The following GRIN1 variants were observed in gnomAD, a reference collection of about 807,000 sequenced individuals.
GRIN1 encodes glutamate ionotropic receptor NMDA type subunit 1.
GRIN1 carries 38 observed loss-of-function variants against 103.0 expected under a neutral mutation model. That is an observed-to-expected ratio of 0.37 (90% confidence interval 0.28 to 0.48). The LOEUF is 0.48. GRIN1 is among the 20% of genes least tolerant of loss of function. The pLI, the probability that GRIN1 is intolerant of heterozygous loss-of-function variation, is 0.98. For synonymous variants in GRIN1, 544 were observed against 532.7 expected, an observed-to-expected ratio of 1.02 and a Z score of -0.29; for missense variants, 577 against 1,288.9, an observed-to-expected ratio of 0.45 and a Z score of 8.46.
intron 19 of GRIN1, among the ~76,000 whole-genome samples, chr9:137,165,942 G>A (rs1833855061): frequency 6.6e-6 from 1 of 152,214 alleles, no homozygotes; most frequent in African/African-American, 2.4e-5. Flanking sequence ...CTGGGGCCTG[G>A]AGTTGGAACT....
chr9:137,146,446 C>T lies in GRIN1; in HGVS notation c.570+544C>T, dbSNP rs548865045. Among the ~76,000 whole-genome samples, 2 of 152,258 alleles carry T rather than the reference C, an allele frequency of 1.3e-5. No individual in the cohort carries two copies. Among genetic ancestry groups the T allele is most frequent in the East Asian group, 3.9e-4 (2 of 5,180 alleles). The stretch of plus-strand genomic sequence containing the variant: ...CAGACACCTGCCCCCCAGCCTGGAC[C>T]GCCCCTGTGGGCTCCACTCCCCTCC... On this transcript the variant is annotated intron_variant, in intron 3 of 19. Transcript: ENST00000371561. The surrounding 1 kb of genome is among the most constrained non-coding windows in gnomAD (Gnocchi z 6.7).
chr9:137,148,413 A>T (rs1832667423), intron 3 of GRIN1, among the ~76,000 whole-genome samples: 1 of 152,084 alleles, frequency 6.6e-6, no homozygotes, highest in African/African-American at 2.4e-5. Flanking sequence ...ACCCGCCGTG[A>T]CCCTAGCCTG....
At chr9:137,158,072 A>T (rs1325698607) in intron 6 of GRIN1, among the ~76,000 whole-genome samples, 1 of 152,240 alleles carries the variant, frequency 6.6e-6, no homozygotes, top group Non-Finnish European at 1.5e-5. Context: ...GTAAGGCAGG[A>T]TGGTTCTGAG....
intron 15 of GRIN1, 53 bp from the exon 16 acceptor site, chr9:137,163,116 G>T: frequency 1.2e-6 from 2 of 1,602,574 alleles, no homozygotes; most frequent in Non-Finnish European, 1.7e-6. Context: ...CGCGGGCGTG[G>T]GGCTTCCAGG....
intron 4 of GRIN1, among the ~76,000 whole-genome samples, chr9:137,150,656 GGAAA>G (rs1832804278): frequency 8.0e-6 from 1 of 125,712 alleles, no homozygotes. Context: ...ACCAGCCCAA[GGAAA>G]GCTCCGCCCA....
chr9:137,156,761 C>A lies in GRIN1; in HGVS notation c.764C>A (p.Ser255Ter). Reference protein sequence around the residue: ...YVWLVGEREISGNALRYAPDG... With the variant: ...YVWLVGEREI ...TGGCTGGTCGGCGAGCGCGAGATCT[C>A]GGGGAACGCCCTGCGCTACGCCCCA... The change falls in exon 5 of 20, where the codon TCG becomes TAG. Residue 255 changes from serine to a stop codon, truncating the protein, a stop_gained. Coordinates refer to ENST00000371561, the MANE Select transcript of GRIN1 (RefSeq NM_007327.4). LOFTEE classifies it high-confidence loss of function. 1.9e-6 allele frequency: 3 copies of A among 1,588,634 alleles called. No homozygotes were observed. The highest frequency in any genetic ancestry group is 2.6e-6 in the Non-Finnish European group (3 of 1,169,098).
chr9:137,163,984 C>A, intron 18 of GRIN1, 80 bp downstream of exon 18: 1 of 1,518,844 alleles, frequency 6.6e-7, no homozygotes, highest in Non-Finnish European at 9.1e-7. Context: ...AAGGCCGTGG[C>A]ACTGGCTCTG....
rs1246608190 is a variant in GRIN1 at position 137,142,103 on chromosome 9, C to G, written c.349C>G (p.Pro117Ala). The change falls in exon 2 of 20, where the codon CCC (proline) becomes GCC (alanine). Residue 117 changes from proline (P) to alanine (A), a missense_variant. Pro to Ala is a conservative substitution (Grantham distance 27). This residue lies in a region of GRIN1 where 308 missense variants were observed against 553.6 expected (regional missense o/e 0.56). Transcript: ENST00000371561. The part of the protein sequence containing the change: ...VSYTAGFYRI[P>A]VLGLTTRMSI... Reference sequence around the variant, plus strand: ...CTACACAGCCGGCTTCTACCGCATACCCGTGCTGGGGCTGACCACCCGCAT... The same window carrying G: ...CTACACAGCCGGCTTCTACCGCATAGCCGTGCTGGGGCTGACCACCCGCAT... 1 of 1,614,230 alleles carries G rather than the reference C, an allele frequency of 6.2e-7. No homozygotes were observed. Among genetic ancestry groups the G allele is most frequent in the South Asian group, 1.1e-5 (1 of 91,084 alleles).
chr9:137,159,130 C>T (rs759527534), intron 8 of GRIN1, among the ~76,000 whole-genome samples: 2 of 152,306 alleles, frequency 1.3e-5, no homozygotes, highest in Non-Finnish European at 2.9e-5. Context: ...CCTCTTCCAC[C>T]GTGTGGGACA....
At chr9:137,167,369 C>CGT (rs1564368361) in intron 19 of GRIN1, 42 bp from the exon 20 acceptor site, 1 of 1,481,898 alleles carries the variant, frequency 6.7e-7, no homozygotes, top group Admixed American at 1.9e-5. Flanking sequence ...CCCTGGCGGC[C>CGT]GGCGGGGCCA....
At chr9:137,147,797 T>A (rs1265282900) in intron 3 of GRIN1, among the ~76,000 whole-genome samples, 2 of 152,136 alleles carry the variant, frequency 1.3e-5, no homozygotes, top group Non-Finnish European at 2.9e-5. Context: ...CTGACACAGG[T>A]TGGAGTGGGC....
In GRIN1 at chr9:137,139,426, G is replaced by T; in HGVS notation, c.-61G>T. The T allele has an allele frequency of 7.7e-7, 1 of 1,297,482 alleles. No individual in the cohort carries two copies. The highest frequency in any genetic ancestry group is 1.9e-5 in the South Asian group (1 of 53,854). 80.4% of individuals were successfully genotyped at this position (1,297,482 alleles called of 1,614,324 possible). On this transcript the variant is annotated 5_prime_UTR_variant, in exon 1 of 20. Transcript: ENST00000371561. The surrounding 1 kb of genome is among the most constrained non-coding windows in gnomAD (Gnocchi z 7.7). ...GCGCAGGACGGCCCGGAAGCCCCGC[G>T]GGGGATGCGCCGAGGGCCCCGCGTT...
At chr9:137,155,001 CAG>C (rs1408922289) in intron 4 of GRIN1, among the ~76,000 whole-genome samples, 2 of 152,218 alleles carry the variant, frequency 1.3e-5, no homozygotes, top group East Asian at 3.8e-4. Flanking sequence ...GGGTGTTTTG[CAG>C]AGAGACATGA....
intron 15 of GRIN1, 27 bp from the exon 16 acceptor site, chr9:137,163,141 GC>G: frequency 6.2e-7 from 1 of 1,610,428 alleles, no homozygotes; most frequent in South Asian, 1.1e-5. Flanking sequence ...CAGGACCAAG[GC>G]CCCCGTGACT....
chr9:137,148,926 C>G, intron 3 of GRIN1, 83 bp from the exon 4 acceptor site: 1 of 1,014,190 alleles, frequency 9.9e-7, no homozygotes, highest in Non-Finnish European at 1.5e-6. Flanking sequence ...TCGGGGTTCC[C>G]AGCGGCTCCG....
chr9:137,167,468 C>T lies in GRIN1; in HGVS notation c.2758C>T (p.Arg920Cys). The part of the protein sequence containing the change: ...QNQKDTVLPR[R>C]AIEREEGQLQ... ...CCAAAAAGACACAGTGCTGCCGCGA[C>T]GCGCTATTGAGAGGGAGGAGGGCCA... Residue 920 changes from arginine (R) to cysteine (C), a missense_variant, in exon 20 of 20, where the codon CGC (arginine) becomes TGC (cysteine). Arg to Cys is a radical substitution (Grantham distance 180). Coordinates refer to ENST00000371561, the MANE Select transcript of GRIN1 (RefSeq NM_007327.4). 1.3e-6 allele frequency: 2 copies of T among 1,560,172 alleles called. No individual in the cohort carries two copies. The highest frequency in any genetic ancestry group is 1.7e-6 in the Non-Finnish European group (2 of 1,152,102).
At chr9:137,154,169 G>C (rs1833084270) in intron 4 of GRIN1, among the ~76,000 whole-genome samples, 1 of 149,504 alleles carries the variant, frequency 6.7e-6, no homozygotes, top group Non-Finnish European at 1.5e-5. Flanking sequence ...CTGTCACCCA[G>C]GCTGGAGTAC....
intron 6 of GRIN1, 41 bp from the exon 7 acceptor site, chr9:137,158,338 G>A (rs1833350325): frequency 6.2e-7 from 1 of 1,609,322 alleles, no homozygotes. Flanking sequence ...AGCAGGAGAA[G>A]GAGCATCTCT....
intron 8 of GRIN1, among the ~76,000 whole-genome samples, chr9:137,160,596 AT>A (rs981119324): frequency 1.3e-5 from 2 of 151,976 alleles, no homozygotes; most frequent in African/African-American, 2.4e-5. Flanking sequence ...CGCCCGGCTA[AT>A]TTTTTTGTAT....
Sources: allele counts gnomAD v4.1 joint callset (sites outside exome capture counted in the v4.1 genomes callset), GRCh38; gene constraint gnomAD v4.1.1; regional missense constraint gnomAD v4.1.1; non-coding constraint Gnocchi (gnomAD v3.1); transcripts MANE v1.5; gene names NCBI Gene and HGNC (gene_info 2026-07-23, HGNC 2026-07-21).